GALNT17: variants seen among roughly 807,000 people sequenced by gnomAD.
GALNT17 encodes the protein polypeptide N-acetylgalactosaminyltransferase 17.
GALNT17 carries 29 observed loss-of-function variants against 63.7 expected under a neutral mutation model. The observed-to-expected ratio is 0.46, with a 90% CI of 0.34 to 0.62. The LOEUF (loss-of-function observed/expected upper bound fraction) is 0.62. Among genes scored for constraint, GALNT17 ranks in the 20% least tolerant of loss-of-function variants. GALNT17 has a pLI of 0.01. For missense variants in GALNT17, 603 were observed against 799.6 expected (o/e 0.75, Z 2.97); for synonymous variants, 305 against 318.3 (o/e 0.96, Z 0.45).
intron 5 of GALNT17, among the ~76,000 whole-genome samples, chr7:71,454,795 A>C (rs1787325544): frequency 6.6e-6 from 1 of 152,158 alleles, no homozygotes; most frequent in African/African-American, 2.4e-5. Context: ...TGACATCAAA[A>C]GGTGAAATAG....
intron 1 of GALNT17, among the ~76,000 whole-genome samples, chr7:71,191,395 T>TA (rs1315565117): frequency 1.3e-5 from 2 of 152,034 alleles, no homozygotes; most frequent in Non-Finnish European, 2.9e-5. Context: ...TGCAGTCTTT[T>TA]AAAAAAAGAA....
chr7:71,321,563 A>G (rs189836844), intron 1 of GALNT17, among the ~76,000 whole-genome samples: 114 of 152,314 alleles, frequency 7.5e-4, no homozygotes, highest in African/African-American at 2.2e-3. Flanking sequence ...CTAACACTTC[A>G]GAACATTCTT....
intron 1 of GALNT17, among the ~76,000 whole-genome samples, chr7:71,249,370 C>G (rs747800281): frequency 5.9e-5 from 9 of 152,128 alleles, no homozygotes; most frequent in Non-Finnish European, 1.2e-4. Flanking sequence ...TCTGTGATCT[C>G]TCACCTTTTT....
intron 5 of GALNT17, among the ~76,000 whole-genome samples, chr7:71,430,638 C>G (rs1438895917): frequency 5.9e-5 from 9 of 152,038 alleles, no homozygotes; most frequent in Admixed American, 2.6e-4. Flanking sequence ...ATCCTTAATC[C>G]AACATATAAT....
chr7:71,641,591 A>C (rs1169714630), intron 6 of GALNT17, among the ~76,000 whole-genome samples: 1 of 151,928 alleles, frequency 6.6e-6, no homozygotes, highest in Non-Finnish European at 1.5e-5. Flanking sequence ...TTCCTCTTTC[A>C]TAAGGGCACC....
chr7:71,200,618 T>C (rs536686869), intron 1 of GALNT17, among the ~76,000 whole-genome samples: 1 of 152,354 alleles, frequency 6.6e-6, no homozygotes, highest in South Asian at 2.1e-4. Flanking sequence ...TCCATCTTTA[T>C]TTAAACACAT....
chr7:71,200,138 G>A (rs1044186203), intron 1 of GALNT17, among the ~76,000 whole-genome samples: 2 of 152,136 alleles, frequency 1.3e-5, no homozygotes, highest in African/African-American at 4.8e-5. Flanking sequence ...GCTTTTCATA[G>A]CCTCTTGGTG....
chr7:71,150,169 T>C (rs976356936), intron 1 of GALNT17, among the ~76,000 whole-genome samples: 5 of 152,090 alleles, frequency 3.3e-5, no homozygotes, highest in Non-Finnish European at 7.4e-5. Flanking sequence ...GAGTGTGCAG[T>C]GTAGAATTTT....
chr7:71,548,981 GA>G (rs1789030792), intron 5 of GALNT17, among the ~76,000 whole-genome samples: 1 of 152,158 alleles, frequency 6.6e-6, no homozygotes, highest in Non-Finnish European at 1.5e-5. Context: ...GTGTGTGGGA[GA>G]AACAGCTTTG....
chr7:71,218,485 C>T (rs1789526575), intron 1 of GALNT17, among the ~76,000 whole-genome samples: 1 of 152,138 alleles, frequency 6.6e-6, no homozygotes, highest in Non-Finnish European at 1.5e-5. Flanking sequence ...TTTCCTTGAG[C>T]AGCAGCATGA....
chr7:71,504,300 CAGG>C (rs1427118919), intron 5 of GALNT17, among the ~76,000 whole-genome samples: 1 of 151,400 alleles, frequency 6.6e-6, no homozygotes, highest in Non-Finnish European at 1.5e-5. Context: ...GAGGCTGAGG[CAGG>C]AGAATTGCTT....
intron 2 of GALNT17, among the ~76,000 whole-genome samples, chr7:71,349,377 T>C (rs1048932492): frequency 5.3e-5 from 8 of 152,186 alleles, no homozygotes; most frequent in African/African-American, 1.9e-4. Flanking sequence ...GTATTACAGA[T>C]GGCATGTCCC....
chr7:71,170,525 G>A (rs1414766093), intron 1 of GALNT17, among the ~76,000 whole-genome samples: 1 of 152,034 alleles, frequency 6.6e-6, no homozygotes, highest in Admixed American at 6.6e-5. Flanking sequence ...TAGTAGAGAC[G>A]GGGTTTCACT....
At chr7:71,616,933 A>AAGAATAAATAAT (rs1584092422) in intron 6 of GALNT17, among the ~76,000 whole-genome samples, 1 of 145,604 alleles carries the variant, frequency 6.9e-6, no homozygotes, top group Admixed American at 6.9e-5. Flanking sequence ...AATAATTATT[A>AAGAATAAATAAT]TATCATATGG....
chr7:71,606,843 T>A (rs1790055114), intron 6 of GALNT17, among the ~76,000 whole-genome samples: 1 of 152,314 alleles, frequency 6.6e-6, no homozygotes, highest in Non-Finnish European at 1.5e-5. Context: ...TACAACTGGA[T>A]GAGATACACT....
rs563691905 is a variant in GALNT17 at position 71,331,727 on chromosome 7, C to G, written c.239-3823C>G. ...GAGACCATCCCTTAAAAAAAAAGTT[C>G]CTACGTTCCTACATTCTCAGACCCA... is the stretch of plus-strand genomic sequence containing the variant. On this transcript the variant is annotated intron_variant, in intron 1 of 10. Coordinates refer to ENST00000333538, the MANE Select transcript of GALNT17 (RefSeq NM_022479.3). Among the ~76,000 whole-genome samples the G allele has an allele frequency of 2.6e-5, 4 of 151,728 alleles. No individual in the cohort carries two copies. In the East Asian group the frequency reaches 5.8e-4, roughly 22 times the overall value.
At chr7:71,389,340 G>A (rs1793008011) in intron 3 of GALNT17, among the ~76,000 whole-genome samples, 1 of 151,956 alleles carries the variant, frequency 6.6e-6, no homozygotes, top group African/African-American at 2.4e-5. Context: ...TGCTGTGTTG[G>A]TCAGGCTGAT....
Position 71,582,079 on chromosome 7 carries a change from A to G in GALNT17, c.1080+10677A>G, listed in dbSNP as rs1055980997. On this transcript the variant is annotated intron_variant, in intron 6 of 10. Coordinates refer to ENST00000333538, the MANE Select transcript of GALNT17 (RefSeq NM_022479.3). ...GGGAATGTAAACTAGAACAATCACT[A>G]TGAAAAACAGTATGGAGATTCCTTA... Among the ~76,000 whole-genome samples the G allele has an allele frequency of 3.9e-5, 6 of 152,206 alleles. No individual in the cohort carries two copies. In the East Asian group the frequency reaches 9.6e-4, roughly 24 times the overall value.
intron 2 of GALNT17, among the ~76,000 whole-genome samples, chr7:71,348,541 T>G (rs978957532): frequency 9.2e-5 from 14 of 152,168 alleles, no homozygotes; most frequent in Admixed American, 2.0e-4. Context: ...CTTGTCCTGT[T>G]TATGCAAATG....
Sources: allele counts gnomAD v4.1 joint callset (sites outside exome capture counted in the v4.1 genomes callset), GRCh38; gene constraint gnomAD v4.1.1; transcripts MANE v1.5; gene names NCBI Gene and HGNC (gene_info 2026-07-23, HGNC 2026-07-21).